Variants in ZNF483 observed in about 807,000 individuals in gnomAD.
The protein encoded by ZNF483 is zinc finger protein HIT-10.
A neutral mutation model predicts 28.6 loss-of-function variants in ZNF483; 9 were observed. The observed-to-expected ratio is 0.32, with a 90% CI of 0.19 to 0.55. ZNF483 has a LOEUF of 0.55. Among genes scored for constraint, ZNF483 ranks in the 20% least tolerant of loss-of-function variants. ZNF483 has a pLI of 0.93. For missense variants in ZNF483, 675 were observed against 871.7 expected (o/e 0.77, Z 2.84); for synonymous variants, 322 against 306.2 (o/e 1.05, Z -0.54).
At chr9:111,557,361 G>A (rs1828153940), downstream of ZNF483, among the ~76,000 whole-genome samples, 1 of 150,652 alleles carries the variant, frequency 6.6e-6, no homozygotes. Context: ...GCGACAGATC[G>A]AGACTCCATC....
chr9:111,569,984 T>C (rs1205969459), intron 5 of ZNF483: 2 of 1,544,246 alleles, frequency 1.3e-6, no homozygotes, highest in African/African-American at 2.7e-5. Context: ...AGGGAAAAAC[T>C]GACGATGCGG....
intron 5 of ZNF483, chr9:111,569,961 A>C: frequency 1.4e-6 from 2 of 1,416,480 alleles, no homozygotes; most frequent in Non-Finnish European, 1.9e-6. Context: ...TACTCTAAGC[A>C]CAATGACCCA....
In ZNF483 at chr9:111,553,239, A is replaced by G. The variant is rs570017506; in HGVS notation, c.*10069A>G. Among the ~76,000 whole-genome samples, 10 of 152,324 alleles carry G rather than the reference A, an allele frequency of 6.6e-5. No individual in the cohort carries two copies. In the Middle Eastern group the frequency reaches 0.014, roughly 207 times the overall value. On this transcript the variant is annotated 3_prime_UTR_variant, in exon 6 of 6. Coordinates refer to ENST00000309235, the MANE Select transcript of ZNF483 (RefSeq NM_133464.5). ...ATTTTGCTCTGCTGCAGTAAATTGC[A>G]ATTGCCATTCATCATTAAATGTGCA...
At chr9:111,534,467 T>C (rs1244317519) in intron 5 of ZNF483, 114 bp downstream of exon 5, 1 of 866,376 alleles carries the variant, frequency 1.2e-6, no homozygotes, top group Non-Finnish European at 1.8e-6. Flanking sequence ...ATGATTAGAA[T>C]AGAGCCCTTG....
At chr9:111,525,539 G>A (rs1297099414) in intron 1 of ZNF483, among the ~76,000 whole-genome samples, 1 of 152,162 alleles carries the variant, frequency 6.6e-6, no homozygotes, top group African/African-American at 2.4e-5. Context: ...TCCCGTTGTG[G>A]CAGGATGTTT....
rs1332970503 is a variant in ZNF483 at position 111,552,501 on chromosome 9, C to T, written c.*9331C>T. Among the ~76,000 whole-genome samples, 1 of 152,138 alleles carries T rather than the reference C, an allele frequency of 6.6e-6. No homozygotes were observed. The highest frequency in any genetic ancestry group is 1.9e-4 in the East Asian group (1 of 5,200). ...AATTCCAACATGGATGGTCTTTTGA[C>T]TTAACTTAGCTGGAGTTCCATCCTT... On this transcript the variant is annotated 3_prime_UTR_variant, in exon 6 of 6. Transcript: ENST00000309235.
rs139161498 is a variant in ZNF483 at position 111,552,050 on chromosome 9, C to T, written c.*8880C>T. Among the ~76,000 whole-genome samples the T allele has an allele frequency of 2.4e-3, 365 of 152,282 alleles. 5 individuals carry two copies. Among genetic ancestry groups the T allele is most frequent in the African/African-American group, 7.8e-3 (323 of 41,554 alleles). On this transcript the variant is annotated 3_prime_UTR_variant, in exon 6 of 6. Transcript: ENST00000309235. ...TTCTTTTACCTGTCTAGCCAGGTCA[C>T]AAGTTTTTCCCATTTTAGGAGCTTC... is the stretch of plus-strand genomic sequence containing the variant.
rs1268669573 is a variant in ZNF483 at position 111,534,316 on chromosome 9, A to G, written c.684A>G (p.Pro228=). 33 of 1,614,070 alleles carry G rather than the reference A, an allele frequency of 2.0e-5. No individual in the cohort carries two copies. Among genetic ancestry groups the G allele is most frequent in the African/African-American group, 2.7e-5 (2 of 74,948 alleles). ...CCCAGCTAAAGTGGGTTGAATTGCC[A>G]TGGCTGCTGGAAGAAGTCTCAAAAA... ...LISQLKWVEL[P]WLLEEVSKSS... Residue 228 remains proline, a synonymous_variant, in exon 5 of 6, where the codon CCA becomes CCG. Coordinates refer to ENST00000309235, the MANE Select transcript of ZNF483 (RefSeq NM_133464.5).
Position 111,543,221 on chromosome 9 carries a change from T to C in ZNF483, c.*51T>C, listed in dbSNP as rs193036225. 1.3e-6 allele frequency: 2 copies of C among 1,538,798 alleles called. No individual in the cohort carries two copies. Among genetic ancestry groups the C allele is most frequent in the African/African-American group, 1.4e-5 (1 of 72,780 alleles). ...GAATTTAATTCAAATTGTCAGTTAC[T>C]GAAACCCTGGGATGTAAACTTACAG... On this transcript the variant is annotated 3_prime_UTR_variant, in exon 6 of 6. Coordinates refer to ENST00000309235, the MANE Select transcript of ZNF483 (RefSeq NM_133464.5).
At chr9:111,569,927 A>T in intron 5 of ZNF483, 1 of 1,159,582 alleles carries the variant, frequency 8.6e-7, no homozygotes, top group Non-Finnish European at 1.2e-6. Flanking sequence ...TTCCTTTCAA[A>T]GATGGGAAAA....
At chr9:111,567,961 T>C (rs1828640321) in intron 5 of ZNF483, among the ~76,000 whole-genome samples, 1 of 152,242 alleles carries the variant, frequency 6.6e-6, no homozygotes, top group Non-Finnish European at 1.5e-5. Flanking sequence ...CTCTTAATCC[T>C]GTTATCTTTG....
rs143010595 is a variant in ZNF483 at position 111,564,675 on chromosome 9, G to C, written c.722-11690G>C. The stretch of plus-strand genomic sequence containing the variant: ...TTGAAGAAGCAAGGAATCTGGATAG[G>C]GTGGAAAGGTAGAATCCAGTTCAGA... On this transcript the variant is annotated intron_variant, in intron 5 of 5. Coordinates refer to the ZNF483 transcript ENST00000358151. Among the ~76,000 whole-genome samples the C allele has an allele frequency of 3.5e-3, 531 of 152,044 alleles. 1 individual carries two copies. Among genetic ancestry groups the C allele is most frequent in the Admixed American group, 5.8e-3 (89 of 15,254 alleles).
In ZNF483 at chr9:111,546,936, A is replaced by C. The variant is rs143258285; in HGVS notation, c.*3766A>C. On this transcript the variant is annotated 3_prime_UTR_variant, in exon 6 of 6. Transcript: ENST00000309235. ...TACTTGGTATGAATGGAATCATACA[A>C]TATTTGCCCTGTTGTGTTTGGCTTA... Among the ~76,000 whole-genome samples, 364 of 152,306 alleles carry C rather than the reference A, an allele frequency of 2.4e-3. 5 individuals are homozygous for C. Among genetic ancestry groups the C allele is most frequent in the African/African-American group, 7.7e-3 (322 of 41,574 alleles).
In ZNF483 at chr9:111,555,081, A is replaced by G. The variant is rs138742251; in HGVS notation, c.*11911A>G. ...TGGCGAGCAGGCAGAGGCACGCCAC[A>G]TGGTGGGATAGGAGTTGGAGTTCAT... On this transcript the variant is annotated 3_prime_UTR_variant, in exon 6 of 6. Coordinates refer to ENST00000309235, the MANE Select transcript of ZNF483 (RefSeq NM_133464.5). 2.0e-3 allele frequency among the ~76,000 whole-genome samples: 308 copies of G among 152,296 alleles called. No homozygotes were observed. The highest frequency in any genetic ancestry group is 7.1e-3 in the African/African-American group (295 of 41,568).
chr9:111,546,557 T>G lies in ZNF483; in HGVS notation c.*3387T>G, dbSNP rs1827811908. Among the ~76,000 whole-genome samples the G allele has an allele frequency of 6.6e-6, 1 of 152,196 alleles. No individual in the cohort carries two copies. The highest frequency in any genetic ancestry group is 6.5e-5 in the Admixed American group (1 of 15,270). On this transcript the variant is annotated 3_prime_UTR_variant, in exon 6 of 6. Coordinates refer to ENST00000309235, the MANE Select transcript of ZNF483 (RefSeq NM_133464.5). The stretch of plus-strand genomic sequence containing the variant: ...ACATTTTACTTTAAAATGAAGTCCT[T>G]GCTTTAAATAATGTTTCCTCTTAAT...
chr9:111,534,501 T>G (rs1458457840), intron 5 of ZNF483, 148 bp downstream of exon 5: 1 of 664,218 alleles, frequency 1.5e-6, no homozygotes, highest in Non-Finnish European at 2.6e-6. Context: ...TTCATTTTAG[T>G]GGGGGAGACT....
intron 5 of ZNF483, among the ~76,000 whole-genome samples, chr9:111,572,931 T>TA (rs1251256183): frequency 6.6e-6 from 1 of 152,178 alleles, no homozygotes; most frequent in African/African-American, 2.4e-5. Context: ...TTTGTTTTTT[T>TA]ACTGAGAGCA....
chr9:111,549,752 T>G lies in ZNF483; in HGVS notation c.*6582T>G. On this transcript the variant is annotated 3_prime_UTR_variant, in exon 6 of 6. Coordinates refer to ENST00000309235, the MANE Select transcript of ZNF483 (RefSeq NM_133464.5). ...TAATGGTGAATGATACATATTCCCT[T>G]CATTTTTCTGCTTTGAAGCTTCAAT... The G allele has an allele frequency of 1.3e-6, 2 of 1,550,980 alleles. No homozygotes were observed. The highest frequency in any genetic ancestry group is 1.7e-6 in the Non-Finnish European group (2 of 1,146,692).
In ZNF483 at chr9:111,551,418, T is replaced by G. The variant is rs1827946329; in HGVS notation, c.*8248T>G. Reference sequence around the variant, plus strand: ...AGTTTTTGTTTTTTTTTTTTTTTTTTTTTTTTTGAGATGGAGTCTCACTCT... The same window carrying G: ...AGTTTTTGTTTTTTTTTTTTTTTTTGTTTTTTTGAGATGGAGTCTCACTCT... On this transcript the variant is annotated 3_prime_UTR_variant, in exon 6 of 6. Coordinates refer to ENST00000309235, the MANE Select transcript of ZNF483 (RefSeq NM_133464.5). Among the ~76,000 whole-genome samples the G allele has an allele frequency of 7.0e-6, 1 of 142,874 alleles. No individual in the cohort carries two copies. Among genetic ancestry groups the G allele is most frequent in the Non-Finnish European group, 1.5e-5 (1 of 65,484 alleles). The allele number at this position is 142,874 out of a possible 152,430, so 93.7% of individuals were successfully genotyped here.
Sources: allele counts gnomAD v4.1 joint callset (sites outside exome capture counted in the v4.1 genomes callset), GRCh38; gene constraint gnomAD v4.1.1; transcripts MANE v1.5; gene names NCBI Gene and HGNC (gene_info 2026-07-23, HGNC 2026-07-21).